The following RBBP4 variants were observed in gnomAD, a reference collection of about 807,000 sequenced individuals.
RBBP4 encodes RB binding protein 4, chromatin remodeling factor.
RBBP4 carries 3 observed loss-of-function variants against 57.2 expected under a neutral mutation model. The ratio of observed to expected loss-of-function variants is 0.05; its 90% confidence interval spans 0.02 to 0.14. RBBP4 has a LOEUF of 0.14. Ranked by LOEUF, RBBP4 falls within the 10% of genes least tolerant of loss-of-function variation. RBBP4 has a pLI of 1.00. For synonymous variants in RBBP4, 151 were observed against 171.5 expected (o/e 0.88, Z 0.93); for missense variants, 107 against 520.6 (o/e 0.21, Z 7.73).
chr1:32,679,513 A>G (rs1649285662), intron 11 of RBBP4, 127 bp from the exon 12 acceptor site: 1 of 751,326 alleles, frequency 1.3e-6, no homozygotes. Flanking sequence ...AATAGTTGTA[A>G]CACAGATTGT....
intron 2 of RBBP4, among the ~76,000 whole-genome samples, chr1:32,656,719 C>T (rs1484794795): frequency 6.6e-6 from 1 of 152,090 alleles, no homozygotes; most frequent in Admixed American, 6.6e-5. Context: ...GCGTTTGGAG[C>T]GATGTGTCCA....
rs1649580007 is a variant in RBBP4, at chr1:32,683,342, A to C, written c.*3637A>C. On this transcript the variant is annotated 3_prime_UTR_variant, in exon 12 of 12. Coordinates refer to ENST00000373493, the MANE Select transcript of RBBP4 (RefSeq NM_005610.3). The stretch of plus-strand genomic sequence containing the variant: ...TTCCACCCAAAACCACAGCCTTTGA[A>C]TATTATATAAGGAACTTAATGGATA... 6.6e-6 allele frequency: 1 copy of C among 152,014 alleles called. No individual in the cohort carries two copies. Among genetic ancestry groups the C allele is most frequent in the African/African-American group, 2.4e-5 (1 of 41,390 alleles). The allele number at this position is 152,014 out of a possible 1,614,324, so 9.4% of individuals were successfully genotyped here. A position where few individuals can be genotyped will look rare whatever the true frequency, so the allele number is the denominator to read the frequency against.
At chr1:32,679,063 G>A (rs1003515127) in intron 11 of RBBP4, among the ~76,000 whole-genome samples, 6 of 152,220 alleles carry the variant, frequency 3.9e-5, no homozygotes, top group African/African-American at 4.8e-5. Context: ...TTGAGAGGCC[G>A]AGGTGGGCAG....
chr1:32,664,071 C>T (rs552212894), intron 3 of RBBP4, among the ~76,000 whole-genome samples: 24 of 152,026 alleles, frequency 1.6e-4, no homozygotes, highest in Non-Finnish European at 2.5e-4. Context: ...GGACTACAGG[C>T]GCCCGCCACC....
chr1:32,659,660 A>G (rs1648315596), intron 3 of RBBP4, among the ~76,000 whole-genome samples: 1 of 152,154 alleles, frequency 6.6e-6, no homozygotes, highest in East Asian at 1.9e-4. Flanking sequence ...TGTGTATTGG[A>G]TCACTCATTC....
chr1:32,684,314 C>T lies in RBBP4; in HGVS notation c.*4609C>T, dbSNP rs1203203417. 1 of 1,614,122 alleles carries T rather than the reference C, an allele frequency of 6.2e-7. No individual in the cohort carries two copies. Among genetic ancestry groups the T allele is most frequent in the Non-Finnish European group, 8.5e-7 (1 of 1,180,018 alleles). On this transcript the variant is annotated 3_prime_UTR_variant, in exon 12 of 12. Transcript: ENST00000373493. ...GCCTTAGCTGTTCCATCTCTTTGTT[C>T]TTCTGTTGCTGGAGTTGCACCCCAT...
intron 3 of RBBP4, among the ~76,000 whole-genome samples, chr1:32,661,970 C>G (rs1163929859): frequency 2.7e-5 from 4 of 145,612 alleles, no homozygotes; most frequent in African/African-American, 7.7e-5. Context: ...ACTGCAACTT[C>G]CGCCTCTTGG....
At chr1:32,652,357 C>T (rs1647811723) in intron 2 of RBBP4, 1 of 267,982 alleles carries the variant, frequency 3.7e-6, no homozygotes, top group Admixed American at 4.8e-5. Flanking sequence ...TGTCAACTTT[C>T]AAAAAGTATT....
Position 32,680,709 on chromosome 1 carries a change from G to T in RBBP4, c.*1004G>T, listed in dbSNP as rs939713137. 1.1e-5 allele frequency: 7 copies of T among 615,120 alleles called. No homozygotes were observed. In the Admixed American group the frequency reaches 2.2e-4, roughly 19 times the overall value. The allele number at this position is 615,120 out of a possible 1,614,324, so 38.1% of individuals were successfully genotyped here. On this transcript the variant is annotated 3_prime_UTR_variant, in exon 12 of 12. Coordinates refer to ENST00000373493, the MANE Select transcript of RBBP4 (RefSeq NM_005610.3). Reference sequence around the variant, plus strand: ...AACATCCATCAAACACCAGTCTCTGGCTTCTAGAAGAGTCCTTCAGATGAC... The same window carrying T: ...AACATCCATCAAACACCAGTCTCTGTCTTCTAGAAGAGTCCTTCAGATGAC...
At chr1:32,670,080 G>C (rs1368226800) in intron 8 of RBBP4, among the ~76,000 whole-genome samples, 1 of 152,102 alleles carries the variant, frequency 6.6e-6, no homozygotes, top group Non-Finnish European at 1.5e-5. Context: ...AACTAGGCCA[G>C]GTATGGTAGC....
intron 3 of RBBP4, among the ~76,000 whole-genome samples, chr1:32,659,020 T>G (rs1023490681): frequency 4.1e-5 from 6 of 147,344 alleles, no homozygotes; most frequent in East Asian, 1.9e-4. Flanking sequence ...TATATATAAT[T>G]TTAGATAATA....
At chr1:32,658,208 G>T (rs1648227713) in intron 3 of RBBP4, among the ~76,000 whole-genome samples, 1 of 152,032 alleles carries the variant, frequency 6.6e-6, no homozygotes, top group Admixed American at 6.6e-5. Flanking sequence ...GGTGAAAATT[G>T]GTTTGTGTAT....
At chr1:32,668,590 T>G in intron 4 of RBBP4, 149 bp from the exon 5 acceptor site, 1 of 836,818 alleles carries the variant, frequency 1.2e-6, no homozygotes, top group Non-Finnish European at 1.9e-6. Context: ...ATACTGGTGC[T>G]GTTTAAGCAT....
chr1:32,684,484 G>A lies in RBBP4; in HGVS notation c.*4779G>A. 2.0e-6 allele frequency: 3 copies of A among 1,532,744 alleles called. No individual in the cohort carries two copies. The allele number at this position is 1,532,744 out of a possible 1,614,324, so 94.9% of individuals were successfully genotyped here. A position where few individuals can be genotyped will look rare whatever the true frequency, so the allele number is the denominator to read the frequency against. On this transcript the variant is annotated 3_prime_UTR_variant, in exon 12 of 12. Coordinates refer to ENST00000373493, the MANE Select transcript of RBBP4 (RefSeq NM_005610.3). Reference sequence around the variant, plus strand: ...ACTTTTTTGTTCATTGTTTAATCTTGATAGCAGTATTGAGGCTGGTATTTA... The same window carrying A: ...ACTTTTTTGTTCATTGTTTAATCTTAATAGCAGTATTGAGGCTGGTATTTA...
intron 2 of RBBP4, among the ~76,000 whole-genome samples, chr1:32,656,772 A>AT (rs1321670420): frequency 6.6e-6 from 1 of 151,806 alleles, no homozygotes; most frequent in Non-Finnish European, 1.5e-5. Flanking sequence ...GGTTTATGTT[A>AT]TTTACTCTTC....
In RBBP4 at chr1:32,669,976, C is replaced by T. The variant is rs1648803315; in HGVS notation, c.966+413C>T. Among the ~76,000 whole-genome samples the T allele has an allele frequency of 6.6e-6, 1 of 152,340 alleles. No homozygotes were observed. Among genetic ancestry groups the T allele is most frequent in the East Asian group, 1.9e-4 (1 of 5,188 alleles). Reference sequence around the variant, plus strand: ...TTGCTAAAAATAGAAATCTATATGCCTATGCTACTTTCTGTGGGAATTGTT... The same window carrying T: ...TTGCTAAAAATAGAAATCTATATGCTTATGCTACTTTCTGTGGGAATTGTT... On this transcript the variant is annotated intron_variant, in intron 8 of 11. Transcript: ENST00000373493. The surrounding 1 kb of genome is among the most constrained non-coding windows in gnomAD (Gnocchi z 4.9).
rs1201115504 is a variant in RBBP4, at chr1:32,682,325, G to GC, written c.*2621dup. On this transcript the variant is annotated 3_prime_UTR_variant, in exon 12 of 12. Coordinates refer to ENST00000373493, the MANE Select transcript of RBBP4 (RefSeq NM_005610.3). ...AATCCCAGCTACTTAGCAGGCTGAG[G>GC]CAGGAGTATTGTTTGAACCCAGGAG... The GC allele has an allele frequency of 1.3e-5, 2 of 156,016 alleles. No individual in the cohort carries two copies. The highest frequency in any genetic ancestry group is 2.8e-5 in the Non-Finnish European group (2 of 70,788). 9.7% of individuals were successfully genotyped at this position (156,016 alleles called of 1,614,324 possible). A position where few individuals can be genotyped will look rare whatever the true frequency, so the allele number is the denominator to read the frequency against.
Position 32,668,815 on chromosome 1 carries a change from A to G in RBBP4, c.561A>G (p.Pro187=). The G allele has an allele frequency of 6.2e-7, 1 of 1,614,182 alleles. No homozygotes were observed. The highest frequency in any genetic ancestry group is 8.5e-7 in the Non-Finnish European group (1 of 1,180,038). ...AAGGCTATGGGCTTTCTTGGAACCC[A>G]AATCTCAGTGGGCACTTACTTAGTG... ...QKEGYGLSWN[P]NLSGHLLSAS... Residue 187 remains proline, a synonymous_variant, in exon 5 of 12, where the codon CCA becomes CCG. Coordinates refer to ENST00000373493, the MANE Select transcript of RBBP4 (RefSeq NM_005610.3).
At chr1:32,654,442 A>T (rs775610948) in intron 2 of RBBP4, among the ~76,000 whole-genome samples, 1 of 152,190 alleles carries the variant, frequency 6.6e-6, no homozygotes, top group African/African-American at 2.4e-5. Context: ...TTCCACATTT[A>T]CTATAGTCAT....
Sources: allele counts gnomAD v4.1 joint callset (sites outside exome capture counted in the v4.1 genomes callset), GRCh38; gene constraint gnomAD v4.1.1; non-coding constraint Gnocchi (gnomAD v3.1); transcripts MANE v1.5; gene names NCBI Gene and HGNC (gene_info 2026-07-23, HGNC 2026-07-21).